Variants in WEE1 observed in about 807,000 individuals in gnomAD.
WEE1 encodes wee1-like protein kinase.
WEE1 carries 16 observed loss-of-function variants against 68.8 expected under a neutral mutation model. The observed-to-expected ratio is 0.23, with a 90% CI of 0.16 to 0.35. The LOEUF (loss-of-function observed/expected upper bound fraction) is 0.35. Ranked by LOEUF, WEE1 falls within the 10% of genes least tolerant of loss-of-function variation. WEE1 has a pLI of 1.00. For missense variants in WEE1, 651 were observed against 824.1 expected (o/e 0.79, Z 2.57); for synonymous variants, 349 against 318.7 (o/e 1.09, Z -1.01).
intron 1 of WEE1, 47 bp from the exon 2 acceptor site, chr11:9,575,841 A>G (rs751294907): frequency 1.6e-5 from 25 of 1,565,914 alleles, no homozygotes; most frequent in Admixed American, 3.4e-5. Flanking sequence ...AAGGCTGACT[A>G]TAGGACTTGG....
chr11:9,581,763 T>C, intron 6 of WEE1, 85 bp downstream of exon 6: 6 of 1,339,156 alleles, frequency 4.5e-6, no homozygotes, highest in Non-Finnish European at 6.1e-6. Context: ...AAAAAATATA[T>C]ATCTTCTGTT....
intron 5 of WEE1, chr11:9,577,638 G>A: frequency 6.2e-6 from 2 of 324,436 alleles, no homozygotes; most frequent in South Asian, 5.2e-5. Flanking sequence ...TCCATTTCAT[G>A]TGAGGTGCTG....
chr11:9,581,741 A>G, intron 6 of WEE1, 63 bp downstream of exon 6: 2 of 1,472,138 alleles, frequency 1.4e-6, no homozygotes, highest in East Asian at 2.4e-5. Flanking sequence ...TTACTTCATT[A>G]TGACAACATT....
intron 1 of WEE1, chr11:9,575,527 A>T (rs1332162423): frequency 4.2e-6 from 2 of 472,466 alleles, no homozygotes; most frequent in South Asian, 7.6e-5. Context: ...TGGAAGCCCT[A>T]TCTAGATGGG....
chr11:9,582,537 G>GT (rs1219786600), intron 6 of WEE1, among the ~76,000 whole-genome samples: 2 of 152,030 alleles, frequency 1.3e-5, no homozygotes, highest in African/African-American at 4.8e-5. Context: ...TTTCATATGC[G>GT]TATGTTAACA....
intron 5 of WEE1, chr11:9,577,977 T>TA (rs1849582479): frequency 4.5e-6 from 2 of 446,898 alleles, no homozygotes; most frequent in Admixed American, 5.0e-5. Flanking sequence ...TTCTGGTTCT[T>TA]ATGGACGTCT....
chr11:9,576,468 G>C lies in WEE1; in HGVS notation c.847-19G>C, dbSNP rs1261674823. The C allele has an allele frequency of 6.2e-7, 1 of 1,604,986 alleles. No homozygotes were observed. Among genetic ancestry groups the C allele is most frequent in the African/African-American group, 1.3e-5 (1 of 74,432 alleles). ...TTCGTATATTTGTATTACATATATG[G>C]AAACACTTTTTATTACAGAGAATTA... On this transcript the variant is annotated intron_variant, in intron 3 of 10. Transcript: ENST00000450114. This position sits in a 1 kb window ranked among gnomAD's most constrained non-coding sequence, Gnocchi z 4.3.
At chr11:9,577,766 A>T in intron 5 of WEE1, 1 of 426,564 alleles carries the variant, frequency 2.3e-6, no homozygotes, top group Middle Eastern at 3.4e-4. Context: ...CCTAGAATCC[A>T]CTAACGCTTT....
chr11:9,573,809 C>A lies in WEE1; in HGVS notation c.-125C>A. On this transcript the variant is annotated 5_prime_UTR_variant, in exon 1 of 11. Coordinates refer to ENST00000450114, the MANE Select transcript of WEE1 (RefSeq NM_003390.4). ...CCCGGAGCCGCAGGCCGCCGCCGCG[C>A]AGAGACGCCGCGGCTGCGACTAGGC... The A allele has an allele frequency of 1.2e-6, 1 of 810,282 alleles. No individual in the cohort carries two copies. The highest frequency in any genetic ancestry group is 1.6e-6 in the Non-Finnish European group (1 of 628,546). 50.2% of individuals were successfully genotyped at this position (810,282 alleles called of 1,614,324 possible). A position where few individuals can be genotyped will look rare whatever the true frequency, so the allele number is the denominator to read the frequency against.
Position 9,573,762 on chromosome 11 carries a change from C to A in WEE1, c.-172C>A. 1 of 356,356 alleles carries A rather than the reference C, an allele frequency of 2.8e-6. No individual in the cohort carries two copies. The highest frequency in any genetic ancestry group is 4.2e-6 in the Non-Finnish European group (1 of 236,194). 22.1% of individuals were successfully genotyped at this position (356,356 alleles called of 1,614,324 possible). A position where few individuals can be genotyped will look rare whatever the true frequency, so the allele number is the denominator to read the frequency against. On this transcript the variant is annotated 5_prime_UTR_variant, in exon 1 of 11. Transcript: ENST00000450114. ...CGGAAAGTCCGCGCCGCCGCTGCCG[C>A]CACCGTCCGCAGCCCGAGCGCCCCG...
intron 5 of WEE1, chr11:9,578,562 A>C (rs1312226529): frequency 6.6e-6 from 1 of 152,210 alleles, no homozygotes; most frequent in African/African-American, 2.4e-5. Context: ...CAGGTATTGC[A>C]TTTAACCTAG....
At position 9,589,495 on chromosome 11, in the gene WEE1, T is replaced by C; in HGVS notation, c.*893T>C. The C allele has an allele frequency of 1.0e-6, 1 of 985,446 alleles. No individual in the cohort carries two copies. The highest frequency in any genetic ancestry group is 1.2e-6 in the Non-Finnish European group (1 of 829,838). 61.0% of individuals were successfully genotyped at this position (985,446 alleles called of 1,614,324 possible). A position where few individuals can be genotyped will look rare whatever the true frequency, so the allele number is the denominator to read the frequency against. Reference sequence around the variant, plus strand: ...TGTTTTGCCCGGTTTTTCTCTTCAATATTTGTGTATATAAACCGATCTTCG... The same window carrying C: ...TGTTTTGCCCGGTTTTTCTCTTCAACATTTGTGTATATAAACCGATCTTCG... On this transcript the variant is annotated 3_prime_UTR_variant, in exon 11 of 11. Transcript: ENST00000450114.
Position 9,586,608 on chromosome 11 carries a change from G to C in WEE1, c.1630G>C (p.Glu544Gln), listed in dbSNP as rs1849702671. ...ACAAGTGCTTTCCCAAGAATTTACA[G>C]AGTTGCTAAAAGTGAGCATTTTATA... is the stretch of plus-strand genomic sequence containing the variant. ...IPQVLSQEFT[E>Q]LLKVMIHPDP... is the part of the protein sequence containing the mutation. Residue 544 changes from glutamate (E) to glutamine (Q), a missense_variant, in exon 9 of 11, where the codon GAG becomes CAG. Around this residue, in one of 5 missense-constraint regions of WEE1, gnomAD observed 115 missense variants for 142.7 expected, o/e 0.81. Transcript: ENST00000450114. 1 of 1,614,016 alleles carries C rather than the reference G, an allele frequency of 6.2e-7. No homozygotes were observed. Among genetic ancestry groups the C allele is most frequent in the African/African-American group, 1.3e-5 (1 of 74,928 alleles).
At position 9,589,333 on chromosome 11, in the gene WEE1, C is replaced by T; in HGVS notation, c.*731C>T. The T allele has an allele frequency of 1.0e-6, 1 of 984,874 alleles. No homozygotes were observed. The highest frequency in any genetic ancestry group is 1.2e-6 in the Non-Finnish European group (1 of 829,818). 61.0% of individuals were successfully genotyped at this position (984,874 alleles called of 1,614,324 possible). ...TGCATTGGAAAAATGCACCCTTTCC[C>T]TCCTTTGGAATGCTGTATTAATGTA... On this transcript the variant is annotated 3_prime_UTR_variant, in exon 11 of 11. Coordinates refer to ENST00000450114, the MANE Select transcript of WEE1 (RefSeq NM_003390.4).
At chr11:9,585,395 G>A (rs766452044) in intron 7 of WEE1, 42 bp downstream of exon 7, 2 of 1,608,028 alleles carry the variant, frequency 1.2e-6, no homozygotes, top group East Asian at 2.2e-5. Context: ...ATAAAGAGAA[G>A]GCTGTTTTGT....
Position 9,573,824 on chromosome 11 carries a change from T to A in WEE1, c.-110T>A. ...CGCCGCCGCGCAGAGACGCCGCGGC[T>A]GCGACTAGGCGCGCCCAGCCGCACG... On this transcript the variant is annotated 5_prime_UTR_variant, in exon 1 of 11. Coordinates refer to ENST00000450114, the MANE Select transcript of WEE1 (RefSeq NM_003390.4). 1 of 952,368 alleles carries A rather than the reference T, an allele frequency of 1.1e-6. No individual in the cohort carries two copies. The highest frequency in any genetic ancestry group is 1.3e-6 in the Non-Finnish European group (1 of 752,812). 59.0% of individuals were successfully genotyped at this position (952,368 alleles called of 1,614,324 possible).
At position 9,573,781 on chromosome 11, in the gene WEE1, C is replaced by G; in HGVS notation, c.-153C>G. On this transcript the variant is annotated 5_prime_UTR_variant, in exon 1 of 11. Coordinates refer to ENST00000450114, the MANE Select transcript of WEE1 (RefSeq NM_003390.4). ...CTGCCGCCACCGTCCGCAGCCCGAG[C>G]GCCCCGGAGCCGCAGGCCGCCGCCG... 1 of 490,452 alleles carries G rather than the reference C, an allele frequency of 2.0e-6. No individual in the cohort carries two copies. The highest frequency in any genetic ancestry group is 2.8e-6 in the Non-Finnish European group (1 of 351,016). The allele number at this position is 490,452 out of a possible 1,614,324, so 30.4% of individuals were successfully genotyped here. A position where few individuals can be genotyped will look rare whatever the true frequency, so the allele number is the denominator to read the frequency against.
intron 6 of WEE1, among the ~76,000 whole-genome samples, chr11:9,582,840 C>G (rs150201904): frequency 6.6e-6 from 1 of 152,134 alleles, no homozygotes; most frequent in Non-Finnish European, 1.5e-5. Flanking sequence ...GCTGAGATTA[C>G]AGGCGTAAGC....
rs1000550485 is a variant in WEE1 at position 9,589,599 on chromosome 11, G to C, written c.*997G>C. ...TTTTCACAAAATATATTTTATCTGT[G>C]ATTAGCCATTTGACTAATAATACTG... On this transcript the variant is annotated 3_prime_UTR_variant, in exon 11 of 11. Transcript: ENST00000450114. The C allele has an allele frequency of 2.0e-6, 2 of 985,550 alleles. No homozygotes were observed. The highest frequency in any genetic ancestry group is 1.2e-4 in the Admixed American group (2 of 16,250). 61.1% of individuals were successfully genotyped at this position (985,550 alleles called of 1,614,324 possible).
Sources: allele counts gnomAD v4.1 joint callset (sites outside exome capture counted in the v4.1 genomes callset), GRCh38; gene constraint gnomAD v4.1.1; regional missense constraint gnomAD v4.1.1; non-coding constraint Gnocchi (gnomAD v3.1); transcripts MANE v1.5; gene names NCBI Gene and HGNC (gene_info 2026-07-23, HGNC 2026-07-21).